The following ZNF462 variants were observed in gnomAD, a reference collection of about 807,000 sequenced individuals.
ZNF462 encodes zinc finger PBX1-interacting protein.
In ZNF462, 10 loss-of-function variants were observed where a neutral mutation model predicts 201.9. That is an observed-to-expected ratio of 0.05 (90% CI 0.03 to 0.08). The LOEUF is 0.08. Ranked by LOEUF, ZNF462 falls within the 10% of genes least tolerant of loss-of-function variation. The pLI, the probability that ZNF462 is intolerant of heterozygous loss-of-function variation, is 1.00. For missense variants in ZNF462, 2,523 were observed against 3,168.3 expected (o/e 0.80, Z 4.89); for synonymous variants, 1,227 against 1,193.3 (o/e 1.03, Z -0.58).
In ZNF462 at chr9:106,925,729, A is replaced by G. The variant is rs984312284; in HGVS notation, c.1817A>G (p.Asn606Ser). 6.2e-7 allele frequency: 1 copy of G among 1,614,182 alleles called. No individual in the cohort carries two copies. Among genetic ancestry groups the G allele is most frequent in the African/African-American group, 1.3e-5 (1 of 75,040 alleles). The change falls in exon 3 of 13, where the codon AAT becomes AGT. Residue 606 changes from asparagine (N) to serine (S), a missense_variant. Asn to Ser is a conservative substitution (Grantham distance 46). This residue lies in a region of ZNF462 where 383 missense variants were observed against 453.4 expected (regional missense o/e 0.84). Coordinates refer to ENST00000277225, the MANE Select transcript of ZNF462 (RefSeq NM_021224.6). The surrounding 1 kb of genome is among the most constrained non-coding windows in gnomAD (Gnocchi z 7.9). ...CACCCATACAAATGCACCATGTGTA[A>G]TTACTCCACCACAACTCTGAAAGGG... ...PLHPYKCTMC[N>S]YSTTTLKGLR...
intron 9 of ZNF462, chr9:106,976,734 C>T (rs977988299): frequency 1.3e-5 from 2 of 152,108 alleles, no homozygotes; most frequent in African/African-American, 4.8e-5. Flanking sequence ...TTACTGTTGC[C>T]GGTTGCTTGC....
rs188947282 is a variant in ZNF462, at chr9:106,920,545, T to C, written c.-30-2809T>C. On this transcript the variant is annotated intron_variant, in intron 1 of 12. Coordinates refer to ENST00000277225, the MANE Select transcript of ZNF462 (RefSeq NM_021224.6). The surrounding 1 kb of genome is among the most constrained non-coding windows in gnomAD (Gnocchi z 4.3). ...CCTCTTCTAAGGCTCTGAGCTATTT[T>C]TGAGGCAGAGGCTGCAACAACATTA... Among the ~76,000 whole-genome samples, 1 of 152,344 alleles carries C rather than the reference T, an allele frequency of 6.6e-6. No homozygotes were observed. Among genetic ancestry groups the C allele is most frequent in the Admixed American group, 6.5e-5 (1 of 15,306 alleles).
chr9:106,914,948 A>G (rs886102520), intron 1 of ZNF462, among the ~76,000 whole-genome samples: 15 of 152,284 alleles, frequency 9.9e-5, no homozygotes, highest in African/African-American at 3.6e-4. Context: ...AATAAAATGT[A>G]AGGGAATGAA....
intron 11 of ZNF462, among the ~76,000 whole-genome samples, chr9:107,004,769 A>G (rs1212357175): frequency 6.6e-6 from 1 of 152,126 alleles, no homozygotes; most frequent in East Asian, 1.9e-4. Flanking sequence ...CAGGTATACA[A>G]TATGTTGTTA....
intron 7 of ZNF462, among the ~76,000 whole-genome samples, chr9:106,964,985 T>A (rs1832005232): frequency 6.6e-6 from 1 of 152,088 alleles, no homozygotes; most frequent in Admixed American, 6.6e-5. Flanking sequence ...GAGACATTGA[T>A]CTAGCCAAGT....
At chr9:106,871,550 G>A (rs1007132492) in intron 1 of ZNF462, among the ~76,000 whole-genome samples, 1 of 152,182 alleles carries the variant, frequency 6.6e-6, no homozygotes, top group African/African-American at 2.4e-5. Flanking sequence ...AGCGATTATA[G>A]CAAGTAGAAA....
intron 1 of ZNF462, among the ~76,000 whole-genome samples, chr9:106,875,908 ATATGTATATG>A (rs1159325466): frequency 6.6e-6 from 1 of 152,198 alleles, no homozygotes; most frequent in Admixed American, 6.5e-5. Flanking sequence ...ATATGTGTAT[ATATGTATATG>A]TATGTATATG....
chr9:106,951,024 A>C (rs574614141), intron 7 of ZNF462, among the ~76,000 whole-genome samples: 1 of 151,696 alleles, frequency 6.6e-6, no homozygotes, highest in East Asian at 1.9e-4. Flanking sequence ...CAGGAGACAG[A>C]GGTTGCAGTG....
intron 7 of ZNF462, among the ~76,000 whole-genome samples, chr9:106,944,838 T>A (rs1204719840): frequency 3.9e-5 from 6 of 152,194 alleles, no homozygotes; most frequent in African/African-American, 1.4e-4. Flanking sequence ...ATTGGCAATT[T>A]TTTTCTATAA....
chr9:106,887,115 G>A (rs1157867128), intron 1 of ZNF462, among the ~76,000 whole-genome samples: 1 of 152,194 alleles, frequency 6.6e-6, no homozygotes, highest in Admixed American at 6.5e-5. Flanking sequence ...AGAATAGCTT[G>A]TCCAGGTGAT....
At chr9:106,947,841 A>C (rs1478951763) in intron 7 of ZNF462, among the ~76,000 whole-genome samples, 1 of 152,194 alleles carries the variant, frequency 6.6e-6, no homozygotes, top group Non-Finnish European at 1.5e-5. Context: ...AGAGTGGTGA[A>C]GCCTTGGCTG....
intron 1 of ZNF462, among the ~76,000 whole-genome samples, chr9:106,907,370 C>A (rs1829315442): frequency 6.6e-6 from 1 of 152,108 alleles, no homozygotes; most frequent in Non-Finnish European, 1.5e-5. Context: ...CTTAATGTCA[C>A]TTAAGATGTT....
intron 7 of ZNF462, among the ~76,000 whole-genome samples, chr9:106,946,167 ACTGGAGTTTG>A (rs1831097974): frequency 6.6e-6 from 1 of 152,204 alleles, no homozygotes; most frequent in Non-Finnish European, 1.5e-5. Context: ...TCCCAGCAAC[ACTGGAGTTTG>A]CTTCATAATT....
In ZNF462 at chr9:106,929,363, G is replaced by T. The variant is rs771021753; in HGVS notation, c.5451G>T (p.Lys1817Asn). ...FTAVYADEHE[K>N]PTLMEEEERG... is the part of the protein sequence containing the mutation. ...CCGTCTATGCAGATGAGCATGAGAA[G>T]CCCACACTGATGGAAGAAGAGGAGA... is the stretch of plus-strand genomic sequence containing the variant. Residue 1817 changes from lysine to asparagine, a missense_variant, in exon 3 of 13, where the codon AAG (lysine) becomes AAT (asparagine). Physicochemically the swap from Lys to Asn is moderately conservative, Grantham distance 94. Around this residue, in one of 15 missense-constraint regions of ZNF462, gnomAD observed 207 missense variants for 231.6 expected, o/e 0.89. Transcript: ENST00000277225. The surrounding 1 kb of genome is among the most constrained non-coding windows in gnomAD (Gnocchi z 8.7). 1 of 1,614,146 alleles carries T rather than the reference G, an allele frequency of 6.2e-7. No individual in the cohort carries two copies. The highest frequency in any genetic ancestry group is 2.2e-5 in the East Asian group (1 of 44,864).
Position 106,870,428 on chromosome 9 carries a change from T to G in ZNF462, c.-31+7073T>G, listed in dbSNP as rs1827538461. 6.6e-6 allele frequency among the ~76,000 whole-genome samples: 1 copy of G among 152,200 alleles called. No homozygotes were observed. The highest frequency in any genetic ancestry group is 1.5e-5 in the Non-Finnish European group (1 of 68,030). Reference sequence around the variant, plus strand: ...AATACTTGTGCTGCGCCTGTCCACATCTTACCCCCAACCTTATTCAAAGAG... The same window carrying G: ...AATACTTGTGCTGCGCCTGTCCACAGCTTACCCCCAACCTTATTCAAAGAG... On this transcript the variant is annotated intron_variant, in intron 1 of 12. Transcript: ENST00000277225. This position sits in a 1 kb window ranked among gnomAD's most constrained non-coding sequence, Gnocchi z 4.3.
At position 106,977,093 on chromosome 9, in the gene ZNF462, T is replaced by C. The variant is rs1250992986; in HGVS notation, c.6832+2820T>C. Reference sequence around the variant, plus strand: ...ACGGATCCACAGGCAGCAGAGTGCCTCAGGACAGCCATGTATACCATCTGT... The same window carrying C: ...ACGGATCCACAGGCAGCAGAGTGCCCCAGGACAGCCATGTATACCATCTGT... On this transcript the variant is annotated intron_variant, in intron 9 of 12. Coordinates refer to ENST00000277225, the MANE Select transcript of ZNF462 (RefSeq NM_021224.6). This position sits in a 1 kb window ranked among gnomAD's most constrained non-coding sequence, Gnocchi z 4.6. 6.6e-6 allele frequency among the ~76,000 whole-genome samples: 1 copy of C among 152,136 alleles called. No individual in the cohort carries two copies. The highest frequency in any genetic ancestry group is 1.5e-5 in the Non-Finnish European group (1 of 68,026).
At chr9:106,898,221 AACAGAAC>A (rs1002925711) in intron 1 of ZNF462, among the ~76,000 whole-genome samples, 1 of 152,194 alleles carries the variant, frequency 6.6e-6, no homozygotes, top group African/African-American at 2.4e-5. Flanking sequence ...GTTTGAACAG[AACAGAAC>A]ACAGTCCCTG....
rs781420456 is a variant in ZNF462, at chr9:107,009,620, C to G, written c.7265C>G (p.Ala2422Gly). The G allele has an allele frequency of 6.2e-7, 1 of 1,612,498 alleles. No individual in the cohort carries two copies. Among genetic ancestry groups the G allele is most frequent in the Non-Finnish European group, 8.5e-7 (1 of 1,179,242 alleles). ...TTTCCATGTGAATTTTGTGGACGGGCGTTTTCACAGGGCTCTGAGTGGGAA... is the reference window on the plus strand; with the variant it reads ...TTTCCATGTGAATTTTGTGGACGGGGGTTTTCACAGGGCTCTGAGTGGGAA... ...KRFPCEFCGR[A>G]FSQGSEWERH... Residue 2422 changes from alanine (A) to glycine (G), a missense_variant, in exon 12 of 13, where the codon GCG (alanine) becomes GGG (glycine). Coordinates refer to ENST00000277225, the MANE Select transcript of ZNF462 (RefSeq NM_021224.6). This position sits in a 1 kb window ranked among gnomAD's most constrained non-coding sequence, Gnocchi z 6.1.
Position 106,924,499 on chromosome 9 carries a change from C to G in ZNF462, c.587C>G (p.Pro196Arg), listed in dbSNP as rs370249991. 5.0e-6 allele frequency: 8 copies of G among 1,614,042 alleles called. No homozygotes were observed. The South Asian group carries it at 6.6e-5, about 13-fold the overall frequency. Reference sequence around the variant, plus strand: ...AATTTGAAGGAGACCACTGCTCCCCCACCTGCTCCTGCTCCAATGCCAGAC... The same window carrying G: ...AATTTGAAGGAGACCACTGCTCCCCGACCTGCTCCTGCTCCAATGCCAGAC... ...KNNLKETTAPPPAPAPMPDPV... is the reference protein window; with the variant it reads ...KNNLKETTAPRPAPAPMPDPV... The change falls in exon 3 of 13, where the codon CCA (proline) becomes CGA (arginine). Residue 196 changes from proline (P) to arginine (R), a missense_variant. Around this residue, in one of 15 missense-constraint regions of ZNF462, gnomAD observed 480 missense variants for 544.4 expected, o/e 0.88. Transcript: ENST00000277225. The surrounding 1 kb of genome is among the most constrained non-coding windows in gnomAD (Gnocchi z 6.2).
Sources: allele counts gnomAD v4.1 joint callset (sites outside exome capture counted in the v4.1 genomes callset), GRCh38; gene constraint gnomAD v4.1.1; regional missense constraint gnomAD v4.1.1; non-coding constraint Gnocchi (gnomAD v3.1); transcripts MANE v1.5; gene names NCBI Gene and HGNC (gene_info 2026-07-23, HGNC 2026-07-21).